RIMS2: variants seen among roughly 807,000 people sequenced by gnomAD.
RIMS2 encodes regulating synaptic membrane exocytosis protein 2.
Under a neutral mutation model 174.4 loss-of-function variants are expected in RIMS2, and 59 were observed. The observed-to-expected ratio is 0.34, with a 90% CI of 0.27 to 0.42. The LOEUF is 0.42. Ranked by LOEUF, RIMS2 falls within the 10% of genes least tolerant of loss-of-function variation. The probability of loss-of-function intolerance (pLI) is 1.00; values close to 1 mark genes in which losing one functional copy is unlikely to be tolerated. For synonymous variants in RIMS2, 606 were observed against 572.5 expected, an observed-to-expected ratio of 1.06 and a Z score of -0.84; for missense variants, 1,620 against 1,666.3, an observed-to-expected ratio of 0.97 and a Z score of 0.48.
chr8:103,664,374 C>T (rs919169089), intron 1 of RIMS2, among the ~76,000 whole-genome samples: 1 of 152,046 alleles, frequency 6.6e-6, no homozygotes, highest in Non-Finnish European at 1.5e-5. Flanking sequence ...TTGCAATCTA[C>T]CCATCTGACA....
At chr8:103,832,506 T>C (rs2098832048) in intron 3 of RIMS2, among the ~76,000 whole-genome samples, 1 of 152,184 alleles carries the variant, frequency 6.6e-6, no homozygotes, top group Admixed American at 6.5e-5. Context: ...TACTCATTAG[T>C]TATTTTTTCT....
In RIMS2 at chr8:103,505,920, CAT is replaced by C. The variant is rs1211182760; in HGVS notation, c.176+4859_176+4860del. Among the ~76,000 whole-genome samples the C allele has an allele frequency of 1.3e-4, 20 of 152,226 alleles. 1 individual carries two copies. The highest frequency in any genetic ancestry group is 1.3e-3 in the Admixed American group (20 of 15,284). On this transcript the variant is annotated intron_variant, in intron 1 of 23. Transcript: ENST00000504942. ...TTAGTGATTTGTGGAGGCTCTCTTA[CAT>C]GTTATTTGTTTTAGGACCTTGTTTA...
At chr8:104,195,613 C>G (rs889552100) in intron 19 of RIMS2, among the ~76,000 whole-genome samples, 7 of 150,288 alleles carry the variant, frequency 4.7e-5, no homozygotes, top group African/African-American at 1.5e-4. Flanking sequence ...CTCCTGGGTT[C>G]AAGCAATTCT....
At chr8:104,160,113 TGG>T (rs1012970847) in intron 19 of RIMS2, among the ~76,000 whole-genome samples, 59 of 151,112 alleles carry the variant, frequency 3.9e-4, no homozygotes, top group African/African-American at 1.4e-3. Flanking sequence ...CACTCCAGCT[TGG>T]GTGACAGAAC....
intron 3 of RIMS2, among the ~76,000 whole-genome samples, chr8:103,881,476 C>T (rs902028519): frequency 4.6e-5 from 7 of 151,240 alleles, no homozygotes; most frequent in Admixed American, 6.6e-5. Context: ...GGCATGTAAA[C>T]CCTGGATGCC....
At chr8:104,099,075 A>G (rs2130849805) in intron 19 of RIMS2, among the ~76,000 whole-genome samples, 1 of 152,316 alleles carries the variant, frequency 6.6e-6, no homozygotes, top group East Asian at 1.9e-4. Context: ...AACAAACAGG[A>G]AAGTGAGCAT....
chr8:103,984,024 A>T (rs1596373808), intron 16 of RIMS2, among the ~76,000 whole-genome samples: 2 of 152,170 alleles, frequency 1.3e-5, no homozygotes, highest in South Asian at 4.2e-4. Context: ...ATACAAAAAA[A>T]AATAGCAGGC....
intron 1 of RIMS2, among the ~76,000 whole-genome samples, chr8:103,508,139 T>C (rs969883599): frequency 6.6e-6 from 1 of 152,112 alleles, no homozygotes; most frequent in African/African-American, 2.4e-5. Context: ...AACTTTTGTA[T>C]TCTCTAGTCA....
At chr8:103,570,039 A>G (rs2092693716) in intron 1 of RIMS2, among the ~76,000 whole-genome samples, 1 of 152,140 alleles carries the variant, frequency 6.6e-6, no homozygotes. Flanking sequence ...TGTATCCTGC[A>G]ATTAGTTTTA....
intron 3 of RIMS2, among the ~76,000 whole-genome samples, chr8:103,827,611 C>A (rs1325290106): frequency 6.6e-6 from 1 of 152,112 alleles, no homozygotes; most frequent in African/African-American, 2.4e-5. Context: ...CTGAGGCAGG[C>A]AGATCACGAG....
chr8:104,039,484 T>G (rs925473725), intron 19 of RIMS2, among the ~76,000 whole-genome samples: 3 of 151,766 alleles, frequency 2.0e-5, no homozygotes, highest in Non-Finnish European at 4.4e-5. Flanking sequence ...CATAAAGTAA[T>G]TCAAAATATA....
At chr8:104,207,433 G>T (rs987701956) in intron 19 of RIMS2, among the ~76,000 whole-genome samples, 5 of 152,116 alleles carry the variant, frequency 3.3e-5, no homozygotes, top group African/African-American at 1.2e-4. Flanking sequence ...AGGTTCCTGA[G>T]CCTATCCCTG....
chr8:103,605,294 G>C (rs1361761056), intron 1 of RIMS2, among the ~76,000 whole-genome samples: 1 of 144,318 alleles, frequency 6.9e-6, no homozygotes, highest in Non-Finnish European at 1.5e-5. Context: ...TTGTATGCTG[G>C]ATTACATTTA....
At chr8:103,666,962 A>G (rs748373594) in intron 1 of RIMS2, among the ~76,000 whole-genome samples, 12 of 152,202 alleles carry the variant, frequency 7.9e-5, no homozygotes, top group Non-Finnish European at 1.0e-4. Flanking sequence ...GACATTCTAT[A>G]GATGACTGTA....
chr8:103,719,237 C>A (rs2097415468), intron 2 of RIMS2, among the ~76,000 whole-genome samples: 2 of 152,198 alleles, frequency 1.3e-5, no homozygotes, highest in African/African-American at 2.4e-5. Context: ...ATTGTCAAGC[C>A]ACTGATTCAA....
intron 3 of RIMS2, among the ~76,000 whole-genome samples, chr8:103,862,420 G>C (rs1351022487): frequency 6.6e-5 from 10 of 151,706 alleles, no homozygotes; most frequent in Non-Finnish European, 1.2e-4. Flanking sequence ...GATGCCTCCA[G>C]CTTTCATTTC....
At chr8:104,237,226 A>G (rs1364601251) in intron 19 of RIMS2, among the ~76,000 whole-genome samples, 1 of 152,214 alleles carries the variant, frequency 6.6e-6, no homozygotes, top group East Asian at 1.9e-4. Flanking sequence ...AAAACAAAAA[A>G]ATAGACAAAT....
intron 11 of RIMS2, among the ~76,000 whole-genome samples, chr8:103,930,979 C>A (rs761392741): frequency 6.6e-6 from 1 of 151,944 alleles, no homozygotes; most frequent in East Asian, 1.9e-4. Flanking sequence ...TATATAAAGT[C>A]CTTAATTATG....
At chr8:103,964,330 A>G (rs937849674) in intron 15 of RIMS2, among the ~76,000 whole-genome samples, 2 of 152,174 alleles carry the variant, frequency 1.3e-5, no homozygotes, top group Non-Finnish European at 2.9e-5. Flanking sequence ...TCTTGCCAGC[A>G]TTTGGTGTTG....
Sources: allele counts gnomAD v4.1 joint callset (sites outside exome capture counted in the v4.1 genomes callset), GRCh38; gene constraint gnomAD v4.1.1; transcripts MANE v1.5; gene names NCBI Gene and HGNC (gene_info 2026-07-23, HGNC 2026-07-21).